KCNMA1: variants seen among roughly 807,000 people sequenced by gnomAD.
The protein encoded by KCNMA1 is potassium calcium-activated channel subfamily M alpha 1.
A neutral mutation model predicts 140.0 loss-of-function variants in KCNMA1; 29 were observed. The ratio of observed to expected loss-of-function variants is 0.21; its 90% CI spans 0.15 to 0.28. The LOEUF (loss-of-function observed/expected upper bound fraction) is 0.28. Among genes scored for constraint, KCNMA1 ranks in the 10% least tolerant of loss-of-function variants. KCNMA1 has a pLI of 1.00. For missense variants in KCNMA1, 880 were observed against 1,602.2 expected, an observed-to-expected ratio of 0.55 and a Z score of 7.70; for synonymous variants, 612 against 611.9, an observed-to-expected ratio of 1.00 and a Z score of 0.00.
chr10:77,367,157 T>G (rs2154407025), intron 2 of KCNMA1, among the ~76,000 whole-genome samples: 1 of 152,240 alleles, frequency 6.6e-6, no homozygotes, highest in Middle Eastern at 3.4e-3. Context: ...GAAGGTGCCT[T>G]TCAAGCTGGC....
chr10:77,318,586 T>C (rs998146828), intron 2 of KCNMA1, among the ~76,000 whole-genome samples: 1 of 152,188 alleles, frequency 6.6e-6, no homozygotes, highest in African/African-American at 2.4e-5. Context: ...CCCCAGCTCT[T>C]GACATAGAAC....
intron 1 of KCNMA1, among the ~76,000 whole-genome samples, chr10:77,507,695 C>T (rs1329865916): frequency 6.6e-6 from 1 of 152,176 alleles, no homozygotes; most frequent in African/African-American, 2.4e-5. Flanking sequence ...CTCTGCATCC[C>T]CTGAGCTCCC....
chr10:76,887,655 T>C, intron 27 of KCNMA1, 140 bp from the exon 28 acceptor site: 1 of 918,866 alleles, frequency 1.1e-6, no homozygotes, highest in Non-Finnish European at 1.7e-6. Context: ...GTCTGAGGCC[T>C]TAAACATTCT....
At chr10:77,400,319 C>T (rs1236554578) in intron 2 of KCNMA1, among the ~76,000 whole-genome samples, 4 of 152,232 alleles carry the variant, frequency 2.6e-5, no homozygotes, top group Non-Finnish European at 5.9e-5. Flanking sequence ...ATGGCCCCAA[C>T]AGCCTGGGCA....
intron 1 of KCNMA1, among the ~76,000 whole-genome samples, chr10:77,412,816 TAA>T (rs2096648781): frequency 1.3e-5 from 2 of 152,332 alleles, no homozygotes; most frequent in South Asian, 4.1e-4. Flanking sequence ...ATCCCCTGAG[TAA>T]AAGTCCATAG....
At chr10:77,352,864 G>A (rs1304722555) in intron 2 of KCNMA1, among the ~76,000 whole-genome samples, 1 of 152,202 alleles carries the variant, frequency 6.6e-6, no homozygotes, top group Admixed American at 6.5e-5. Context: ...CAAAAGTACA[G>A]ACACATTAGA....
chr10:77,456,355 A>C (rs1232712650), intron 1 of KCNMA1, among the ~76,000 whole-genome samples: 2 of 151,878 alleles, frequency 1.3e-5, no homozygotes, highest in African/African-American at 2.4e-5. Flanking sequence ...CCGGAGAGAA[A>C]CCTTTCCCAT....
At chr10:76,955,742 C>G (rs1230717965) in intron 20 of KCNMA1, among the ~76,000 whole-genome samples, 1 of 152,042 alleles carries the variant, frequency 6.6e-6, no homozygotes, top group African/African-American at 2.4e-5. Flanking sequence ...TGTTTTTGTC[C>G]TTGAAGAGTC....
intron 1 of KCNMA1, among the ~76,000 whole-genome samples, chr10:77,528,425 A>G (rs1348893298): frequency 6.6e-6 from 1 of 152,064 alleles, no homozygotes; most frequent in Admixed American, 6.5e-5. Context: ...CCTGGCCAAC[A>G]TGGTGAAACC....
Position 77,453,259 on chromosome 10 carries a change from C to T in KCNMA1, c.379-49236G>A, listed in dbSNP as rs188607290. 1.2e-3 allele frequency among the ~76,000 whole-genome samples: 179 copies of T among 151,840 alleles called. 2 individuals are homozygous for T. The highest frequency in any genetic ancestry group is 6.1e-3 in the Admixed American group (93 of 15,222). ...CAAGAGTATTTCCAGAGATAAGCCA[C>T]GACATCATTAGAATACAGATTACAG... is the stretch of plus-strand genomic sequence containing the variant. On this transcript the variant is annotated intron_variant, in intron 1 of 27. Coordinates refer to ENST00000286628, the MANE Select transcript of KCNMA1 (RefSeq NM_001161352.2).
At chr10:77,314,655 T>C (rs2080256319) in intron 2 of KCNMA1, among the ~76,000 whole-genome samples, 1 of 152,068 alleles carries the variant, frequency 6.6e-6, no homozygotes. Context: ...ATGAAGACCA[T>C]CACATTTGAG....
At chr10:76,905,322 TC>T (rs1235855282) in intron 25 of KCNMA1, among the ~76,000 whole-genome samples, 3 of 152,172 alleles carry the variant, frequency 2.0e-5, no homozygotes, top group Non-Finnish European at 1.5e-5. Flanking sequence ...GCTTCAGGAA[TC>T]AACTCAGTGA....
At chr10:77,569,879 C>G (rs2070224518) in intron 1 of KCNMA1, among the ~76,000 whole-genome samples, 2 of 151,774 alleles carry the variant, frequency 1.3e-5, no homozygotes, top group African/African-American at 2.4e-5. Context: ...TGAACTCAAA[C>G]AAATTTACAA....
intron 2 of KCNMA1, among the ~76,000 whole-genome samples, chr10:77,336,900 T>C (rs1172954821): frequency 6.6e-6 from 1 of 152,234 alleles, no homozygotes; most frequent in East Asian, 1.9e-4. Context: ...TGAACCATTG[T>C]CAAAAGCATT....
chr10:77,043,994 G>A (rs1482625374), intron 14 of KCNMA1, among the ~76,000 whole-genome samples: 2 of 152,170 alleles, frequency 1.3e-5, no homozygotes, highest in African/African-American at 2.4e-5. Context: ...AATTTTGTAT[G>A]TGTATTTTAT....
chr10:77,489,128 C>T (rs975774358), intron 1 of KCNMA1, among the ~76,000 whole-genome samples: 1 of 152,082 alleles, frequency 6.6e-6, no homozygotes, highest in African/African-American at 2.4e-5. Flanking sequence ...ATGGGTAGAG[C>T]TCACAGGGCT....
intron 1 of KCNMA1, among the ~76,000 whole-genome samples, chr10:77,576,400 C>T (rs558313423): frequency 7.2e-5 from 11 of 152,330 alleles, no homozygotes; most frequent in East Asian, 3.9e-4. Flanking sequence ...TTTCTCCCTA[C>T]GAAACAATCC....
Position 77,067,882 on chromosome 10 carries a change from G to A in KCNMA1, c.1749+5215C>T, listed in dbSNP as rs140452668. 4.7e-3 allele frequency among the ~76,000 whole-genome samples: 712 copies of A among 152,302 alleles called. 7 individuals carry two copies. Among genetic ancestry groups the A allele is most frequent in the African/African-American group, 0.016 (672 of 41,578 alleles). ...TTCCTAGACCTAAGGATGCTGATGGGATTAGCGCACTGTCTGGAACATGGT... is the reference window on the plus strand; with the variant it reads ...TTCCTAGACCTAAGGATGCTGATGGAATTAGCGCACTGTCTGGAACATGGT... On this transcript the variant is annotated intron_variant, in intron 14 of 27. Transcript: ENST00000286628.
At chr10:77,275,541 A>G (rs949509694) in intron 2 of KCNMA1, among the ~76,000 whole-genome samples, 1 of 152,152 alleles carries the variant, frequency 6.6e-6, no homozygotes, top group African/African-American at 2.4e-5. Context: ...AATTAGGAGG[A>G]TGGGTGAAAA....
Sources: allele counts gnomAD v4.1 joint callset (sites outside exome capture counted in the v4.1 genomes callset), GRCh38; gene constraint gnomAD v4.1.1; transcripts MANE v1.5; gene names NCBI Gene and HGNC (gene_info 2026-07-23, HGNC 2026-07-21).